The following ARF4 variants were observed in gnomAD, a reference collection of about 807,000 sequenced individuals.
ARF4 encodes the protein ARF GTPase 4, also known as ADP-ribosylation factor 4.
A neutral mutation model predicts 24.3 loss-of-function variants in ARF4; 5 were observed. The observed-to-expected ratio is 0.21, with a 90% CI of 0.11 to 0.43. ARF4 has a LOEUF of 0.43. ARF4 is among the 20% of genes least tolerant of loss of function. ARF4 has a pLI of 1.00. For missense variants in ARF4, 107 were observed against 213.0 expected, an observed-to-expected ratio of 0.50 and a Z score of 3.10; for synonymous variants, 62 against 73.5, an observed-to-expected ratio of 0.84 and a Z score of 0.80.
intron 1 of ARF4, among the ~76,000 whole-genome samples, chr3:57,586,771 T>C (rs568272648): frequency 1.3e-5 from 2 of 152,160 alleles, no homozygotes; most frequent in African/African-American, 2.4e-5. Context: ...TTGGCATCTT[T>C]AGTAACAAGA....
At chr3:57,576,853 T>A (rs938001083) in intron 4 of ARF4, among the ~76,000 whole-genome samples, 8 of 152,080 alleles carry the variant, frequency 5.3e-5, no homozygotes, top group African/African-American at 1.9e-4. Flanking sequence ...ATGGTTACTA[T>A]TAAAAAACAT....
At chr3:57,572,389 T>C (rs1575778631) in intron 5 of ARF4, 91 bp from the exon 6 acceptor site, 2 of 949,076 alleles carry the variant, frequency 2.1e-6, no homozygotes, top group East Asian at 4.9e-5. Flanking sequence ...AAGAGTCTTT[T>C]CACACCTCTT....
intron 1 of ARF4, among the ~76,000 whole-genome samples, chr3:57,590,968 A>G (rs2070105216): frequency 6.6e-6 from 1 of 152,232 alleles, no homozygotes; most frequent in South Asian, 2.1e-4. Flanking sequence ...AGGTGATTCT[A>G]TACATTTTTG....
Position 57,597,304 on chromosome 3 carries a change from C to T in ARF4, c.-164G>A, listed in dbSNP as rs983434910. 2 of 640,240 alleles carry T rather than the reference C, an allele frequency of 3.1e-6. No homozygotes were observed. 39.7% of individuals were successfully genotyped at this position (640,240 alleles called of 1,614,324 possible). A position where few individuals can be genotyped will look rare whatever the true frequency, so the allele number is the denominator to read the frequency against. On this transcript the variant is annotated 5_prime_UTR_variant, in exon 1 of 6. Coordinates refer to ENST00000303436, the MANE Select transcript of ARF4 (RefSeq NM_001660.4). ...CAGTGGCCCCTGTGCCGATGAAGATCCGGCACAGGAATAAGCCGGTAGAGG... is the reference window on the plus strand; with the variant it reads ...CAGTGGCCCCTGTGCCGATGAAGATTCGGCACAGGAATAAGCCGGTAGAGG...
chr3:57,588,887 G>A (rs1281957130), intron 1 of ARF4, among the ~76,000 whole-genome samples: 1 of 152,146 alleles, frequency 6.6e-6, no homozygotes, highest in Non-Finnish European at 1.5e-5. Context: ...TGGATCACCT[G>A]AAGTCAGGAA....
chr3:57,571,432 G>C lies in ARF4; in HGVS notation c.*780C>G, dbSNP rs113261357. ...TGAAGAAAATGTATTCATCGAATTT[G>C]ATGAGTTTTCCAAAAACTCTTAATG... is the stretch of plus-strand genomic sequence containing the variant. On this transcript the variant is annotated 3_prime_UTR_variant, in exon 6 of 6. Coordinates refer to ENST00000303436, the MANE Select transcript of ARF4 (RefSeq NM_001660.4). 2 of 152,632 alleles carry C rather than the reference G, an allele frequency of 1.3e-5. No individual in the cohort carries two copies. Among genetic ancestry groups the C allele is most frequent in the African/African-American group, 4.8e-5 (2 of 41,508 alleles). The allele number at this position is 152,632 out of a possible 1,614,324, so 9.5% of individuals were successfully genotyped here.
chr3:57,572,039 T>C lies in ARF4; in HGVS notation c.*173A>G, dbSNP rs900133591. On this transcript the variant is annotated 3_prime_UTR_variant, in exon 6 of 6. Transcript: ENST00000303436. ...AGAATTTCTTTAAAACCAAGCACAT[T>C]GCTAAATAGCAACATTATACTCGGT... The C allele has an allele frequency of 3.7e-6, 2 of 534,264 alleles. No individual in the cohort carries two copies. Among genetic ancestry groups the C allele is most frequent in the South Asian group, 5.5e-5 (2 of 36,098 alleles). The allele number at this position is 534,264 out of a possible 1,614,324, so 33.1% of individuals were successfully genotyped here. A position where few individuals can be genotyped will look rare whatever the true frequency, so the allele number is the denominator to read the frequency against.
intron 1 of ARF4, among the ~76,000 whole-genome samples, chr3:57,589,400 C>A (rs542769779): frequency 6.6e-6 from 1 of 151,980 alleles, no homozygotes; most frequent in African/African-American, 2.4e-5. Flanking sequence ...TGCAATTCAG[C>A]GTAAGCAACA....
At chr3:57,596,818 T>G (rs1553731972) in intron 1 of ARF4, 1 of 488,194 alleles carries the variant, frequency 2.0e-6, no homozygotes, top group Non-Finnish European at 3.7e-6. Context: ...TTCAATAAGA[T>G]CAAGGAGAAA....
Position 57,583,949 on chromosome 3 carries a change from A to G in ARF4, c.207T>C (p.Gly69=), listed in dbSNP as rs61758690. The G allele has an allele frequency of 6.2e-7, 1 of 1,612,780 alleles. No individual in the cohort carries two copies. Among genetic ancestry groups the G allele is most frequent in the Non-Finnish European group, 8.5e-7 (1 of 1,179,106 alleles). The change falls in exon 3 of 6, where the codon GGT becomes GGC. Residue 69 remains glycine, a synonymous_variant. Coordinates refer to ENST00000303436, the MANE Select transcript of ARF4 (RefSeq NM_001660.4). ...AGAGAGGCCTAATTCTATCTTGACCACCAACATCCCATACTGTGAAACAAA... is the reference window on the plus strand; with the variant it reads ...AGAGAGGCCTAATTCTATCTTGACCGCCAACATCCCATACTGTGAAACAAA... ...KNICFTVWDV[G]GQDRIRPLWK... is the part of the protein sequence containing the mutation.
At chr3:57,583,254 T>C (rs2069997769) in intron 3 of ARF4, among the ~76,000 whole-genome samples, 1 of 152,142 alleles carries the variant, frequency 6.6e-6, no homozygotes, top group African/African-American at 2.4e-5. Flanking sequence ...GATATGCATA[T>C]TAAAGTTTAA....
chr3:57,577,138 A>G (rs1334576263), intron 4 of ARF4, among the ~76,000 whole-genome samples, 178 bp downstream of exon 4: 1 of 151,966 alleles, frequency 6.6e-6, no homozygotes, highest in African/African-American at 2.4e-5. Flanking sequence ...AAAACGCTCT[A>G]TAAGAGATTT....
intron 4 of ARF4, among the ~76,000 whole-genome samples, chr3:57,576,471 C>T (rs2069903477): frequency 1.4e-5 from 2 of 144,026 alleles, no homozygotes; most frequent in Admixed American, 7.0e-5. Flanking sequence ...AAAAGGATGA[C>T]ATTTATAGTG....
chr3:57,580,223 G>C (rs998639557), intron 3 of ARF4, among the ~76,000 whole-genome samples: 7 of 151,956 alleles, frequency 4.6e-5, no homozygotes, highest in African/African-American at 1.7e-4. Flanking sequence ...ACTATGCCTC[G>C]TCTAAATAAA....
chr3:57,593,425 G>C (rs2070138784), intron 1 of ARF4, among the ~76,000 whole-genome samples: 1 of 152,064 alleles, frequency 6.6e-6, no homozygotes, highest in African/African-American at 2.4e-5. Context: ...CCACTCTTTA[G>C]CTTGGTAATA....
At chr3:57,595,700 G>A (rs2070172384) in intron 1 of ARF4, among the ~76,000 whole-genome samples, 2 of 152,142 alleles carry the variant, frequency 1.3e-5, no homozygotes. Flanking sequence ...TGTAATCCCA[G>A]CACTCTGGGA....
At chr3:57,576,104 C>A (rs2069899401) in intron 4 of ARF4, among the ~76,000 whole-genome samples, 1 of 151,862 alleles carries the variant, frequency 6.6e-6, no homozygotes. Context: ...GACAATAACA[C>A]AATTATCTGG....
chr3:57,573,156 C>T (rs1038449479), intron 5 of ARF4, among the ~76,000 whole-genome samples: 6 of 147,546 alleles, frequency 4.1e-5, no homozygotes, highest in Non-Finnish European at 7.4e-5. Flanking sequence ...GAGCCGAGAT[C>T]GTGCCACAGC....
At chr3:57,573,973 G>A (rs970532592) in intron 5 of ARF4, among the ~76,000 whole-genome samples, 2 of 146,234 alleles carry the variant, frequency 1.4e-5, no homozygotes, top group African/African-American at 5.0e-5. Flanking sequence ...ACGGAGTCTC[G>A]CTCTGTCACC....
Sources: allele counts gnomAD v4.1 joint callset (sites outside exome capture counted in the v4.1 genomes callset), GRCh38; gene constraint gnomAD v4.1.1; transcripts MANE v1.5; gene names NCBI Gene and HGNC (gene_info 2026-07-23, HGNC 2026-07-21).